The following RPN2 variants were observed in gnomAD, a reference collection of about 807,000 sequenced individuals.
RPN2 encodes dolichyl-diphosphooligosaccharide--protein glycosyltransferase subunit 2.
A neutral mutation model predicts 71.4 loss-of-function variants in RPN2; 29 were observed. The observed-to-expected ratio is 0.41, with a 90% CI of 0.30 to 0.55. The LOEUF is 0.55. Ranked by LOEUF, RPN2 falls within the 20% of genes least tolerant of loss-of-function variation. RPN2 has a pLI of 0.35. For missense variants in RPN2, 726 were observed against 774.1 expected (o/e 0.94, Z 0.74); for synonymous variants, 308 against 305.0 (o/e 1.01, Z -0.10).
intron 9 of RPN2, among the ~76,000 whole-genome samples, chr20:37,215,059 T>G (rs982707196): frequency 2.6e-5 from 4 of 152,216 alleles, no homozygotes; most frequent in Non-Finnish European, 4.4e-5. Context: ...ATGTTTATAA[T>G]GTAATATATT....
At chr20:37,213,236 A>G (rs1409469107) in intron 8 of RPN2, among the ~76,000 whole-genome samples, 1 of 152,154 alleles carries the variant, frequency 6.6e-6, no homozygotes, top group Non-Finnish European at 1.5e-5. Context: ...AGGAGTTTGA[A>G]TTTTAGGAGT....
intron 2 of RPN2, among the ~76,000 whole-genome samples, chr20:37,192,138 A>T (rs1014462183): frequency 6.6e-6 from 1 of 152,180 alleles, no homozygotes; most frequent in African/African-American, 2.4e-5. Context: ...TGCCTCCCTT[A>T]TAAAGCGTTG....
intron 9 of RPN2, 65 bp downstream of exon 9, chr20:37,213,930 C>A: frequency 8.5e-7 from 1 of 1,173,050 alleles, no homozygotes; most frequent in Non-Finnish European, 1.3e-6. Context: ...CAAATTGACA[C>A]AGTATTAATT....
In RPN2 at chr20:37,232,355, C is replaced by T; in HGVS notation, c.1641C>T (p.Ala547=). ...PPTVVSNTFT[A]LILSPLLLLF... ...CCGTGGTGTCCAATACATTCACTGC[C>T]CTGATCCTCTCGCCGTTGCTTCTGC... is the stretch of plus-strand genomic sequence containing the variant. Residue 547 remains alanine, a synonymous_variant, in exon 14 of 17, where the codon GCC becomes GCT. Transcript: ENST00000237530. The T allele has an allele frequency of 3.1e-6, 5 of 1,614,174 alleles. No homozygotes were observed. Among genetic ancestry groups the T allele is most frequent in the Non-Finnish European group, 4.2e-6 (5 of 1,180,010 alleles).
At chr20:37,238,028 AAAAAATTAAT>A (rs1266057821) in intron 16 of RPN2, among the ~76,000 whole-genome samples, 1 of 152,208 alleles carries the variant, frequency 6.6e-6, no homozygotes, top group African/African-American at 2.4e-5. Context: ...CTCGTCTCTC[AAAAAATTAAT>A]AAAAATTAAG....
intron 1 of RPN2, 163 bp downstream of exon 1, chr20:37,179,532 T>TGCGAGCTGGTGGGAGTGCCC (rs2066787789): frequency 7.2e-7 from 1 of 1,397,516 alleles, no homozygotes; most frequent in Non-Finnish European, 9.3e-7. Context: ...GAAGGAGGGC[T>TGCGAGCTGGTGGGAGTGCCC]GCGAGCTGGT....
intron 9 of RPN2, 22 bp downstream of exon 9, chr20:37,213,887 C>T: frequency 1.3e-6 from 2 of 1,545,538 alleles, no homozygotes; most frequent in South Asian, 1.1e-5. Context: ...TCTTTCCTTC[C>T]CATTGCCATG....
intron 4 of RPN2, 27 bp from the exon 5 acceptor site, chr20:37,203,858 A>G: frequency 1.3e-6 from 2 of 1,557,630 alleles, no homozygotes; most frequent in South Asian, 1.1e-5. Context: ...CTTGCCATTC[A>G]TTGGGGTTCT....
At chr20:37,191,533 C>T (rs1306918086) in intron 2 of RPN2, among the ~76,000 whole-genome samples, 5 of 151,626 alleles carry the variant, frequency 3.3e-5, no homozygotes, top group Admixed American at 2.6e-4. Flanking sequence ...TTGGGGATGC[C>T]GAGGCAGGCG....
chr20:37,199,669 G>A (rs2067336225), intron 4 of RPN2, among the ~76,000 whole-genome samples: 1 of 152,164 alleles, frequency 6.6e-6, no homozygotes, highest in African/African-American at 2.4e-5. Flanking sequence ...AGCATCTGGT[G>A]GGTGAGGTGG....
Position 37,241,497 on chromosome 20 carries a change from C to T in RPN2, c.*182C>T, listed in dbSNP as rs1048720196. On this transcript the variant is annotated 3_prime_UTR_variant, in exon 17 of 17. Coordinates refer to ENST00000237530, the MANE Select transcript of RPN2 (RefSeq NM_002951.5). ...CAACACACAGCAGATACCTGGTGAG[C>T]TCAGATAGTCTCTTTCTCTGACACT... 3.0e-6 allele frequency: 2 copies of T among 675,930 alleles called. No homozygotes were observed. The highest frequency in any genetic ancestry group is 5.2e-6 in the Non-Finnish European group (2 of 384,298). 41.9% of individuals were successfully genotyped at this position (675,930 alleles called of 1,614,324 possible).
intron 15 of RPN2, 126 bp from the exon 16 acceptor site, chr20:37,236,454 A>G: frequency 9.7e-7 from 1 of 1,027,704 alleles, no homozygotes; most frequent in Non-Finnish European, 1.5e-6. Context: ...GAGCAAAGGA[A>G]TAAAACAAGC....
At chr20:37,226,799 ACTGC>A (rs1380359272) in intron 11 of RPN2, among the ~76,000 whole-genome samples, 2 of 152,092 alleles carry the variant, frequency 1.3e-5, no homozygotes, top group African/African-American at 4.8e-5. Context: ...CCACTCCCAC[ACTGC>A]CTGTCATCCC....
intron 9 of RPN2, among the ~76,000 whole-genome samples, chr20:37,218,893 G>T (rs1045922852): frequency 6.6e-6 from 1 of 151,906 alleles, no homozygotes; most frequent in East Asian, 1.9e-4. Context: ...CCATTGTATG[G>T]ATATATCACA....
In RPN2 at chr20:37,210,165, G is replaced by C; in HGVS notation, c.986G>C (p.Gly329Ala). ...VLQKTSFTPVGDVFELNFMNV... is the reference protein window; with the variant it reads ...VLQKTSFTPVADVFELNFMNV... ...CAGAAGACATCCTTCACCCCTGTAG[G>C]GTAAGTCCTGATCATATTTTGGTGG... Residue 329 changes from glycine to alanine, a missense_variant and splice_region_variant, in exon 8 of 17, where the codon GGG becomes GCG. By Grantham distance (60) the Gly-to-Ala change is moderately conservative (BLOSUM62 0). Coordinates refer to ENST00000237530, the MANE Select transcript of RPN2 (RefSeq NM_002951.5). 6.2e-7 allele frequency: 1 copy of C among 1,613,718 alleles called. No homozygotes were observed. The highest frequency in any genetic ancestry group is 1.7e-5 in the Admixed American group (1 of 60,004).
intron 4 of RPN2, among the ~76,000 whole-genome samples, chr20:37,199,755 T>C: frequency 6.6e-6 from 1 of 152,214 alleles, no homozygotes; most frequent in East Asian, 1.9e-4. Flanking sequence ...AGAAGCACCT[T>C]TCCTATTTGT....
At chr20:37,225,528 G>A (rs893165541) in intron 10 of RPN2, among the ~76,000 whole-genome samples, 160 bp from the exon 11 acceptor site, 1 of 152,174 alleles carries the variant, frequency 6.6e-6, no homozygotes, top group African/African-American at 2.4e-5. Context: ...AGTCCAATTT[G>A]CCCCCAGGTT....
Position 37,238,518 on chromosome 20 carries a change from CAGTTATCTCTCT to C in RPN2, c.1883+1814_1883+1825del, listed in dbSNP as rs1381654181. 22 of 1,083,314 alleles carry C rather than the reference CAGTTATCTCTCT, an allele frequency of 2.0e-5. No individual in the cohort carries two copies. The African/African-American group carries it at 2.2e-4, about 11-fold the overall frequency. The allele number at this position is 1,083,314 out of a possible 1,614,324, so 67.1% of individuals were successfully genotyped here. ...CCCGTCTTGCCCGCCTCATGCATGT[CAGTTATCTCTCT>C]AGTTTTCAGCCCACTTGCTCCTCCC... On this transcript the variant is annotated intron_variant, in intron 16 of 16. Transcript: ENST00000237530.
Position 37,184,523 on chromosome 20 carries a change from T to C in RPN2, c.207+150T>C, listed in dbSNP as rs563115665. The stretch of plus-strand genomic sequence containing the variant: ...ATAAGAAATATTTGGCCAGGCGTGG[T>C]GACTCACGCCTGTAATGCCAGCACT... On this transcript the variant is annotated intron_variant, in intron 2 of 16. Transcript: ENST00000237530. The C allele has an allele frequency of 5.7e-5, 45 of 789,976 alleles. No individual in the cohort carries two copies. In the African/African-American group the frequency reaches 7.3e-4, roughly 13 times the overall value. The allele number at this position is 789,976 out of a possible 1,614,324, so 48.9% of individuals were successfully genotyped here.
Sources: allele counts gnomAD v4.1 joint callset (sites outside exome capture counted in the v4.1 genomes callset), GRCh38; gene constraint gnomAD v4.1.1; transcripts MANE v1.5; gene names NCBI Gene and HGNC (gene_info 2026-07-23, HGNC 2026-07-21).